The following BTBD7 variants were observed in gnomAD, a reference collection of about 807,000 sequenced individuals.
BTBD7 encodes the protein BTB domain containing 7.
BTBD7 carries 38 observed loss-of-function variants against 99.9 expected under a neutral mutation model. The ratio of observed to expected loss-of-function variants is 0.38; its 90% CI spans 0.29 to 0.50. The LOEUF (loss-of-function observed/expected upper bound fraction) is 0.50, where lower values mean the gene tolerates loss of function less well. Among genes scored for constraint, BTBD7 ranks in the 20% least tolerant of loss-of-function variants. The probability of loss-of-function intolerance (pLI) is 0.93; values close to 1 mark genes in which losing one functional copy is unlikely to be tolerated. For synonymous variants in BTBD7, 520 were observed against 511.4 expected (o/e 1.02, Z -0.23); for missense variants, 1,170 against 1,394.6 (o/e 0.84, Z 2.57).
At chr14:93,251,744 G>A in intron 7 of BTBD7, 92 bp from the exon 8 acceptor site, 1 of 1,103,110 alleles carries the variant, frequency 9.1e-7, no homozygotes, top group African/African-American at 1.6e-5. Context: ...CAAATAAAAA[G>A]GGAATTAATT....
In BTBD7 at chr14:93,309,550, C is replaced by T. The variant is rs2053114298; in HGVS notation, c.-106-13393G>A. Among the ~76,000 whole-genome samples the T allele has an allele frequency of 2.0e-5, 3 of 151,818 alleles. No homozygotes were observed. In the South Asian group the frequency reaches 6.2e-4, roughly 32 times the overall value. On this transcript the variant is annotated intron_variant, in intron 1 of 10. Coordinates refer to ENST00000334746, the MANE Select transcript of BTBD7 (RefSeq NM_001002860.4). ...CGTCTCAAAAGTCTTCAGTGCTATA[C>T]CAACCTTTCTGAAGGAAGCTGCCAC...
chr14:93,291,613 C>T (rs886218920), intron 3 of BTBD7, among the ~76,000 whole-genome samples: 4 of 151,610 alleles, frequency 2.6e-5, no homozygotes, highest in African/African-American at 9.8e-5. Context: ...AAAAATAACT[C>T]AAACTCTATT....
chr14:93,302,286 G>C (rs1016054403), intron 1 of BTBD7, among the ~76,000 whole-genome samples: 2 of 152,168 alleles, frequency 1.3e-5, no homozygotes, highest in South Asian at 4.1e-4. Context: ...GGGATTAGTG[G>C]GTATAGTGCC....
chr14:93,268,073 C>G (rs913919258), intron 3 of BTBD7, among the ~76,000 whole-genome samples: 3 of 152,234 alleles, frequency 2.0e-5, no homozygotes, highest in Non-Finnish European at 4.4e-5. Flanking sequence ...TGCGCAGACT[C>G]TACACCCGTC....
At chr14:93,248,343 A>ATT in intron 9 of BTBD7, 133 bp downstream of exon 9, 2 of 898,584 alleles carry the variant, frequency 2.2e-6, no homozygotes, top group Non-Finnish European at 3.3e-6. Context: ...GCAGGTTATC[A>ATT]AAGACACCAA....
intron 5 of BTBD7, among the ~76,000 whole-genome samples, chr14:93,258,884 C>G (rs1470214807): frequency 6.6e-6 from 1 of 152,200 alleles, no homozygotes; most frequent in African/African-American, 2.4e-5. Context: ...CGTGCCTGGC[C>G]TAGCAACTAT....
At position 93,294,732 on chromosome 14, in the gene BTBD7, T is replaced by G; in HGVS notation, c.288A>C (p.Arg96Ser). Residue 96 changes from arginine to serine, a missense_variant, in exon 3 of 11, where the codon AGA (arginine) becomes AGC (serine). Physicochemically the swap from Arg to Ser is moderately radical, Grantham distance 110. This residue lies in a region of BTBD7 where 359 missense variants were observed against 497.9 expected (regional missense o/e 0.72). Coordinates refer to ENST00000334746, the MANE Select transcript of BTBD7 (RefSeq NM_001002860.4). Reference protein sequence around the residue: ...MRELLSGWDVRDVNALVEEYE... With the variant: ...MRELLSGWDVSDVNALVEEYE... ...ATTCCTCCACTAATGCATTGACATC[T>G]CTAACATCCCACCCAGAGAGGAGTT... The G allele has an allele frequency of 6.2e-7, 1 of 1,614,054 alleles. No individual in the cohort carries two copies. The highest frequency in any genetic ancestry group is 8.5e-7 in the Non-Finnish European group (1 of 1,180,020).
At chr14:93,320,576 C>G (rs2053258601) in intron 1 of BTBD7, among the ~76,000 whole-genome samples, 1 of 152,142 alleles carries the variant, frequency 6.6e-6, no homozygotes, top group Non-Finnish European at 1.5e-5. Context: ...TGTCTACTGA[C>G]CTGATTGAGA....
chr14:93,316,477 G>A (rs2053208170), intron 1 of BTBD7, among the ~76,000 whole-genome samples: 1 of 151,946 alleles, frequency 6.6e-6, no homozygotes, highest in Non-Finnish European at 1.5e-5. Context: ...TTGAACTCTT[G>A]GCCTCAAGTG....
intron 1 of BTBD7, among the ~76,000 whole-genome samples, chr14:93,302,734 A>G (rs1319141881): frequency 6.6e-6 from 1 of 152,130 alleles, no homozygotes; most frequent in Non-Finnish European, 1.5e-5. Context: ...AGTCCCAGCT[A>G]CTCAGGAGGC....
chr14:93,332,316 A>T (rs2139847277), intron 1 of BTBD7: 1 of 152,394 alleles, frequency 6.6e-6, no homozygotes, highest in South Asian at 2.1e-4. Flanking sequence ...GGACAATCTA[A>T]CTTCCCCTGG....
At position 93,241,950 on chromosome 14, in the gene BTBD7, CA is replaced by C. The variant is rs1349108461; in HGVS notation, c.*322del. 2.7e-6 allele frequency: 1 copy of C among 368,668 alleles called. No individual in the cohort carries two copies. Among genetic ancestry groups the C allele is most frequent in the African/African-American group, 2.1e-5 (1 of 48,300 alleles). The allele number at this position is 368,668 out of a possible 1,614,324, so 22.8% of individuals were successfully genotyped here. On this transcript the variant is annotated 3_prime_UTR_variant, in exon 11 of 11. Coordinates refer to ENST00000334746, the MANE Select transcript of BTBD7 (RefSeq NM_001002860.4). Reference sequence around the variant, plus strand: ...AAAGTTTAACATACTGATATAAAATCAATACAGAGAAAATAAATGTACAAGT... The same window carrying C: ...AAAGTTTAACATACTGATATAAAATCATACAGAGAAAATAAATGTACAAGT...
chr14:93,249,055 C>T (rs954272724), intron 8 of BTBD7, among the ~76,000 whole-genome samples: 3 of 152,022 alleles, frequency 2.0e-5, no homozygotes, highest in African/African-American at 4.8e-5. Context: ...GAATGAAACA[C>T]GATTCCTCTT....
chr14:93,309,620 C>T (rs991543492), intron 1 of BTBD7, among the ~76,000 whole-genome samples: 2 of 152,002 alleles, frequency 1.3e-5, no homozygotes, highest in African/African-American at 4.8e-5. Flanking sequence ...GTTTCTATTA[C>T]TCAACCCTTA....
chr14:93,328,200 G>A (rs542394673), intron 1 of BTBD7, among the ~76,000 whole-genome samples: 2 of 152,222 alleles, frequency 1.3e-5, no homozygotes, highest in South Asian at 2.1e-4. Context: ...AAGCAACCTA[G>A]AGATTCAATA....
intron 1 of BTBD7, among the ~76,000 whole-genome samples, chr14:93,305,762 C>G (rs2053062688): frequency 1.3e-5 from 2 of 152,264 alleles, no homozygotes; most frequent in Admixed American, 6.5e-5. Context: ...ATATCATAGA[C>G]TGGGTAATAT....
chr14:93,269,019 A>G (rs1251220673), intron 3 of BTBD7, among the ~76,000 whole-genome samples: 1 of 152,150 alleles, frequency 6.6e-6, no homozygotes, highest in East Asian at 1.9e-4. Flanking sequence ...TCGGCCACCC[A>G]AAGTGCTAGG....
At chr14:93,293,497 C>T (rs2052883023) in intron 3 of BTBD7, among the ~76,000 whole-genome samples, 1 of 152,160 alleles carries the variant, frequency 6.6e-6, no homozygotes, top group Admixed American at 6.5e-5. Flanking sequence ...CAACAAGGTA[C>T]TGAACATAAA....
intron 1 of BTBD7, among the ~76,000 whole-genome samples, chr14:93,319,351 G>A (rs975034818): frequency 2.0e-5 from 3 of 152,166 alleles, no homozygotes; most frequent in Non-Finnish European, 4.4e-5. Context: ...TATCACAACA[G>A]CCAAGATGTG....
Sources: gnomAD v4.1 joint callset for allele counts (sites outside exome capture counted in the v4.1 genomes callset) on GRCh38, gnomAD v4.1.1 for gene constraint, gnomAD v4.1.1 regional missense constraint, MANE v1.5 for transcripts, NCBI Gene and HGNC (gene_info 2026-07-23, HGNC 2026-07-21) for gene names.